Variants in WIF1 observed in about 807,000 individuals in gnomAD.
WIF1 encodes Wnt inhibitory factor 1.
In WIF1, 35 loss-of-function variants were observed where a neutral mutation model predicts 53.5. The ratio of observed to expected loss-of-function variants is 0.65; its 90% CI spans 0.50 to 0.87. The LOEUF (loss-of-function observed/expected upper bound fraction) is 0.87. Among genes scored for constraint, WIF1 ranks in the 40% least tolerant of loss-of-function variants. The pLI is 0.00. For missense variants in WIF1, 467 were observed against 476.8 expected (o/e 0.98, Z 0.19); for synonymous variants, 171 against 170.4 (o/e 1.00, Z -0.03).
At chr12:65,083,780 C>CCCTTTCCCTTTCCTTTCCTTTCCTTT (rs1882986002) in intron 2 of WIF1, 4 of 237,680 alleles carry the variant, frequency 1.7e-5, no homozygotes, top group African/African-American at 1.4e-4. Flanking sequence ...TTTTCCCTTT[C>CCCTTTCCCTTTCCTTTCCTTTCCTTT]CCTTTCCTTT....
intron 2 of WIF1, among the ~76,000 whole-genome samples, chr12:65,091,991 A>C (rs1343144527): frequency 6.6e-6 from 1 of 152,192 alleles, no homozygotes; most frequent in Admixed American, 6.6e-5. Context: ...TTTTAAAGAA[A>C]TATTTAAATG....
At chr12:65,116,313 G>T (rs571195011) in intron 2 of WIF1, among the ~76,000 whole-genome samples, 1 of 152,076 alleles carries the variant, frequency 6.6e-6, no homozygotes, top group African/African-American at 2.4e-5. Context: ...TCGCATTACC[G>T]CCTGAGCTCT....
At chr12:65,055,332 T>A in intron 8 of WIF1, 119 bp from the exon 9 acceptor site, 1 of 1,141,478 alleles carries the variant, frequency 8.8e-7, no homozygotes, top group South Asian at 1.8e-5. Flanking sequence ...CCTCTAATTT[T>A]TTTTCCTAAG....
chr12:65,052,196 A>C (rs1882451362), intron 9 of WIF1, among the ~76,000 whole-genome samples: 1 of 152,182 alleles, frequency 6.6e-6, no homozygotes, highest in African/African-American at 2.4e-5. Flanking sequence ...CATTGTAAAA[A>C]TCTGCCTGCA....
intron 7 of WIF1, among the ~76,000 whole-genome samples, 191 bp from the exon 8 acceptor site, chr12:65,056,317 C>T (rs1231824148): frequency 1.8e-5 from 2 of 108,120 alleles, no homozygotes; most frequent in East Asian, 6.0e-4. Flanking sequence ...ATATTTTTAA[C>T]TTATGCTTTT....
intron 2 of WIF1, among the ~76,000 whole-genome samples, chr12:65,097,527 C>A (rs576558707): frequency 6.6e-6 from 1 of 152,264 alleles, no homozygotes; most frequent in African/African-American, 2.4e-5. Context: ...TCTCAGAAAC[C>A]AATCTATTAG....
At chr12:65,057,585 A>G (rs1182943588) in intron 7 of WIF1, among the ~76,000 whole-genome samples, 7 of 103,718 alleles carry the variant, frequency 6.7e-5, no homozygotes, top group Admixed American at 6.7e-4. Context: ...AGTAGCCTGT[A>G]GATTTTGGTA....
chr12:65,108,376 A>G (rs1276165423), intron 2 of WIF1, among the ~76,000 whole-genome samples: 1 of 152,158 alleles, frequency 6.6e-6, no homozygotes, highest in African/African-American at 2.4e-5. Context: ...TCTCCACTTC[A>G]TGTCTTAGCT....
chr12:65,075,685 A>T (rs1882850588), intron 3 of WIF1, among the ~76,000 whole-genome samples: 1 of 152,220 alleles, frequency 6.6e-6, no homozygotes, highest in African/African-American at 2.4e-5. Context: ...TATGAAAGTT[A>T]TAACTTAACT....
intron 2 of WIF1, chr12:65,083,663 C>T (rs73129269): frequency 8.2e-5 from 23 of 278,970 alleles, no homozygotes; most frequent in Non-Finnish European, 1.5e-4. Flanking sequence ...TTGCCATCTG[C>T]GTCATGCCCA....
intron 2 of WIF1, among the ~76,000 whole-genome samples, chr12:65,092,079 T>A (rs969466559): frequency 6.6e-6 from 1 of 152,154 alleles, no homozygotes; most frequent in Non-Finnish European, 1.5e-5. Flanking sequence ...ATGTGGAACA[T>A]ATGTACCATG....
chr12:65,106,923 G>C (rs950924907), intron 2 of WIF1, among the ~76,000 whole-genome samples: 1 of 152,216 alleles, frequency 6.6e-6, no homozygotes, highest in Non-Finnish European at 1.5e-5. Context: ...TATGTAATCG[G>C]TGTGTAATGA....
intron 2 of WIF1, among the ~76,000 whole-genome samples, chr12:65,116,932 CAAAAAAAAAAAA>C (rs35417909): frequency 4.6e-5 from 3 of 64,756 alleles, no homozygotes; most frequent in African/African-American, 1.5e-4. Flanking sequence ...GACTCTGTCT[CAAAAAAAAAAAA>C]AAAAAAAAAA....
At position 65,105,100 on chromosome 12, in the gene WIF1, T is replaced by C. The variant is rs1262743779; in HGVS notation, c.288+15317A>G. ...ACAAGGAGAGAACCAAGACCAGGAA[T>C]TACTGATGTGACCAGGAGAATAGGA... On this transcript the variant is annotated intron_variant, in intron 2 of 9. Coordinates refer to ENST00000286574, the MANE Select transcript of WIF1 (RefSeq NM_007191.5). Among the ~76,000 whole-genome samples, 4 of 152,128 alleles carry C rather than the reference T, an allele frequency of 2.6e-5. No homozygotes were observed. The East Asian group carries it at 7.7e-4, about 29-fold the overall frequency.
chr12:65,096,629 G>A (rs868819641), intron 2 of WIF1, among the ~76,000 whole-genome samples: 14 of 152,252 alleles, frequency 9.2e-5, no homozygotes, highest in African/African-American at 3.4e-4. Flanking sequence ...ATGCCCATCA[G>A]TGATAGACTG....
At chr12:65,111,023 G>T (rs1286437007) in intron 2 of WIF1, among the ~76,000 whole-genome samples, 1 of 152,176 alleles carries the variant, frequency 6.6e-6, no homozygotes, top group Non-Finnish European at 1.5e-5. Flanking sequence ...ATTCTAGGCA[G>T]AGGAAACTTC....
intron 7 of WIF1, among the ~76,000 whole-genome samples, chr12:65,057,351 A>C (rs909843908): frequency 4.6e-5 from 7 of 152,150 alleles, no homozygotes; most frequent in African/African-American, 1.7e-4. Flanking sequence ...AATGCTTTTC[A>C]CAGATCTTTG....
At chr12:65,071,730 G>T (rs1322226006) in intron 3 of WIF1, among the ~76,000 whole-genome samples, 1 of 152,054 alleles carries the variant, frequency 6.6e-6, no homozygotes, top group Admixed American at 6.6e-5. Flanking sequence ...CTACCTCTTT[G>T]GAAATAGAAG....
At chr12:65,089,974 A>G (rs1329089831) in intron 2 of WIF1, among the ~76,000 whole-genome samples, 2 of 152,192 alleles carry the variant, frequency 1.3e-5, no homozygotes, top group Non-Finnish European at 2.9e-5. Context: ...TTTCTAAAAA[A>G]TGAATGCAAA....
Sources: allele counts gnomAD v4.1 joint callset (sites outside exome capture counted in the v4.1 genomes callset), GRCh38; gene constraint gnomAD v4.1.1; transcripts MANE v1.5; gene names NCBI Gene and HGNC (gene_info 2026-07-23, HGNC 2026-07-21).